HYOU1: variants seen among roughly 807,000 people sequenced by gnomAD.
HYOU1 encodes the protein hypoxia up-regulated protein 1.
In HYOU1, 40 loss-of-function variants were observed where a neutral mutation model predicts 120.5. The observed-to-expected ratio is 0.33, with a 90% CI of 0.26 to 0.43. The LOEUF (loss-of-function observed/expected upper bound fraction) is 0.43, where lower values mean the gene tolerates loss of function less well. Among genes scored for constraint, HYOU1 ranks in the 20% least tolerant of loss-of-function variants. The probability of loss-of-function intolerance (pLI) is 1.00; values close to 1 mark genes in which losing one functional copy is unlikely to be tolerated. For missense variants in HYOU1, 1,085 were observed against 1,278.3 expected, an observed-to-expected ratio of 0.85 and a Z score of 2.31; for synonymous variants, 501 against 479.4, an observed-to-expected ratio of 1.05 and a Z score of -0.59.
chr11:119,051,086 G>A lies in HYOU1; in HGVS notation c.1614C>T (p.Gly538=), dbSNP rs144588748. The part of the protein sequence containing the change: ...FKKYPDYESK[G]IKAHFNLDES... ...CATCCAGGTTGAAGTGAGCCTTGAT[G>A]CCCTTGGACTCGTAGTCAGGATACT... is the stretch of plus-strand genomic sequence containing the variant. The change falls in exon 14 of 26, where the codon GGC becomes GGT. Residue 538 remains glycine, a synonymous_variant. Transcript: ENST00000617285. This position sits in a 1 kb window ranked among gnomAD's most constrained non-coding sequence, Gnocchi z 4.2. 972 of 1,614,094 alleles carry A rather than the reference G, an allele frequency of 6.0e-4. 1 individual carries two copies. Among genetic ancestry groups the A allele is most frequent in the Non-Finnish European group, 7.7e-4 (906 of 1,180,052 alleles).
Position 119,047,927 on chromosome 11 carries a change from A to C in HYOU1, c.2510+20T>G, listed in dbSNP as rs2133559510. The stretch of plus-strand genomic sequence containing the variant: ...CAGTGGCCTTGGCAGGACTGCAAAA[A>C]GGGTTCAGGGGCTGCTCACTTGAGG... On this transcript the variant is annotated intron_variant, in intron 21 of 25. Transcript: ENST00000617285. 1.2e-6 allele frequency: 2 copies of C among 1,614,080 alleles called. No homozygotes were observed. Among genetic ancestry groups the C allele is most frequent in the South Asian group, 1.1e-5 (1 of 91,082 alleles).
rs138811699 is a variant in HYOU1 at position 119,051,881 on chromosome 11, G to A, written c.1276C>T (p.Leu426Phe). Reference protein sequence around the residue: ...AMGAVYQAAALSKAFKVKPFV... With the variant: ...AMGAVYQAAAFSKAFKVKPFV... Reference sequence around the variant, plus strand: ...GGCTTCACTTTAAAGGCTTTGCTGAGCGCAGCTGCCTGGTACACTGCCCCC... The same window carrying A: ...GGCTTCACTTTAAAGGCTTTGCTGAACGCAGCTGCCTGGTACACTGCCCCC... The change falls in exon 12 of 26, where the codon CTC becomes TTC. Residue 426 changes from leucine to phenylalanine, a missense_variant. By Grantham distance (22) the Leu-to-Phe change is conservative. This residue lies in a region of HYOU1 where 515 missense variants were observed against 677.8 expected (regional missense o/e 0.76). Coordinates refer to ENST00000617285, the MANE Select transcript of HYOU1 (RefSeq NM_006389.5). This position sits in a 1 kb window ranked among gnomAD's most constrained non-coding sequence, Gnocchi z 4.2. The A allele has an allele frequency of 1.2e-6, 2 of 1,614,156 alleles. No individual in the cohort carries two copies. Among genetic ancestry groups the A allele is most frequent in the East Asian group, 4.5e-5 (2 of 44,882 alleles).
Position 119,051,640 on chromosome 11 carries a change from G to A in HYOU1, c.1339-15C>T, listed in dbSNP as rs2133586658. ...GTGAACTCCACCTACACAGCAGGCA[G>A]ACAGAGGCACACTGTTGCACACTAG... On this transcript the variant is annotated splice_polypyrimidine_tract_variant and intron_variant, in intron 12 of 25. Coordinates refer to ENST00000617285, the MANE Select transcript of HYOU1 (RefSeq NM_006389.5). The surrounding 1 kb of genome is among the most constrained non-coding windows in gnomAD (Gnocchi z 4.2). The A allele has an allele frequency of 1.2e-6, 2 of 1,613,890 alleles. No homozygotes were observed.
chr11:119,045,403 C>T lies in HYOU1; in HGVS notation c.*190G>A. ...GGAGGAGAACAGTTTCCATTTTTAA[C>T]CACAGAGGTACTGCAGAAGGAACCA... On this transcript the variant is annotated 3_prime_UTR_variant, in exon 26 of 26. Transcript: ENST00000617285. 1.4e-6 allele frequency: 1 copy of T among 709,904 alleles called. No homozygotes were observed. Among genetic ancestry groups the T allele is most frequent in the Non-Finnish European group, 2.6e-6 (1 of 390,350 alleles). The allele number at this position is 709,904 out of a possible 1,614,324, so 44.0% of individuals were successfully genotyped here.
chr11:119,050,829 C>T (rs988326046), intron 14 of HYOU1, among the ~76,000 whole-genome samples: 2 of 149,822 alleles, frequency 1.3e-5, no homozygotes, highest in Admixed American at 1.3e-4. Flanking sequence ...TCAATAGTTC[C>T]AAGAAATTTA....
chr11:119,047,125 A>C, intron 22 of HYOU1: 1 of 237,950 alleles, frequency 4.2e-6, no homozygotes, highest in Non-Finnish European at 8.2e-6. Context: ...CGCGATCTCG[A>C]CTCACTGCAA....
intron 16 of HYOU1, 75 bp from the exon 17 acceptor site, chr11:119,049,278 A>G: frequency 6.3e-7 from 1 of 1,588,758 alleles, no homozygotes; most frequent in East Asian, 2.3e-5. Flanking sequence ...GGCACCGCCG[A>G]CCCCATGGGG....
At position 119,044,933 on chromosome 11, in the gene HYOU1, A is replaced by G. The variant is rs1228026946; in HGVS notation, c.*660T>C. The G allele has an allele frequency of 3.0e-6, 1 of 330,982 alleles. No individual in the cohort carries two copies. 20.5% of individuals were successfully genotyped at this position (330,982 alleles called of 1,614,324 possible). A position where few individuals can be genotyped will look rare whatever the true frequency, so the allele number is the denominator to read the frequency against. On this transcript the variant is annotated 3_prime_UTR_variant, in exon 26 of 26. Transcript: ENST00000617285. Reference sequence around the variant, plus strand: ...CTAGGGGTGGGAAATACGAGTGAGAATCCTTCCAGATTTACTTCCGCCAAT... The same window carrying G: ...CTAGGGGTGGGAAATACGAGTGAGAGTCCTTCCAGATTTACTTCCGCCAAT...
rs2133582707 is a variant in HYOU1, at chr11:119,051,113, C to A, written c.1587G>T (p.Lys529Asn). 6.2e-7 allele frequency: 1 copy of A among 1,614,208 alleles called. No homozygotes were observed. Among genetic ancestry groups the A allele is most frequent in the Admixed American group, 1.7e-5 (1 of 60,022 alleles). The stretch of plus-strand genomic sequence containing the variant: ...CCTTGGACTCGTAGTCAGGATACTT[C>A]TTGAAGCTGTCACCCACCCCTTTTA... ...VKLKGVGDSF[K>N]KYPDYESKGI... The change falls in exon 14 of 26, where the codon AAG becomes AAT. Residue 529 changes from lysine (K) to asparagine (N), a missense_variant. Lys to Asn is a moderately conservative substitution (Grantham distance 94). Around this residue, in one of 4 missense-constraint regions of HYOU1, gnomAD observed 515 missense variants for 677.8 expected, o/e 0.76. Transcript: ENST00000617285. The surrounding 1 kb of genome is among the most constrained non-coding windows in gnomAD (Gnocchi z 4.2).
Position 119,045,529 on chromosome 11 carries a change from T to G in HYOU1, c.*64A>C, listed in dbSNP as rs1944010058. The G allele has an allele frequency of 2.9e-6, 4 of 1,371,046 alleles. No individual in the cohort carries two copies. Among genetic ancestry groups the G allele is most frequent in the Admixed American group, 1.7e-5 (1 of 59,668 alleles). The allele number at this position is 1,371,046 out of a possible 1,614,324, so 84.9% of individuals were successfully genotyped here. A position where few individuals can be genotyped will look rare whatever the true frequency, so the allele number is the denominator to read the frequency against. ...GACCAACCCCTCCCCCAACCCTCGA[T>G]GTTAAATAAATAGAAGTGGTGGGGG... On this transcript the variant is annotated 3_prime_UTR_variant, in exon 26 of 26. Transcript: ENST00000617285.
Position 119,055,541 on chromosome 11 carries a change from C to T in HYOU1, c.216G>A (p.Val72=), listed in dbSNP as rs2133614050. ...KESRRKTPVI[V]TLKENERFFG... is the part of the protein sequence containing the mutation. ...AGAATCTTTCATTTTCTTTCAGGGT[C>T]ACGATCACCGGTGTTTTCCTCCGAG... Residue 72 remains valine, a synonymous_variant, in exon 4 of 26, where the codon GTG becomes GTA. Transcript: ENST00000617285. This position sits in a 1 kb window ranked among gnomAD's most constrained non-coding sequence, Gnocchi z 4.0. 3.7e-6 allele frequency: 6 copies of T among 1,614,062 alleles called. No homozygotes were observed. In the South Asian group the frequency reaches 6.6e-5, roughly 18 times the overall value.
At chr11:119,050,087 C>T (rs1944333062) in intron 14 of HYOU1, among the ~76,000 whole-genome samples, 1 of 152,214 alleles carries the variant, frequency 6.6e-6, no homozygotes, top group Non-Finnish European at 1.5e-5. Flanking sequence ...TTGGCTATTA[C>T]ATCCATATTA....
chr11:119,052,954 C>A lies in HYOU1; in HGVS notation c.795-125G>T, dbSNP rs1944535309. 1.2e-6 allele frequency: 1 copy of A among 863,536 alleles called. No homozygotes were observed. Among genetic ancestry groups the A allele is most frequent in the East Asian group, 2.7e-5 (1 of 37,472 alleles). 53.5% of individuals were successfully genotyped at this position (863,536 alleles called of 1,614,324 possible). On this transcript the variant is annotated intron_variant, in intron 8 of 25. Transcript: ENST00000617285. This position sits in a 1 kb window ranked among gnomAD's most constrained non-coding sequence, Gnocchi z 5.0. Reference sequence around the variant, plus strand: ...CAGGGGACCTTGTTCATCTCCAGTGCCCCATGTGTGGACACACACTCTGCC... The same window carrying A: ...CAGGGGACCTTGTTCATCTCCAGTGACCCATGTGTGGACACACACTCTGCC...
chr11:119,050,595 C>T (rs1188687339), intron 14 of HYOU1, among the ~76,000 whole-genome samples: 3 of 151,358 alleles, frequency 2.0e-5, no homozygotes, highest in Non-Finnish European at 2.9e-5. Context: ...GTGGCACATA[C>T]GTATCGTCCC....
chr11:119,052,194 G>A lies in HYOU1; in HGVS notation c.1123-22C>T, dbSNP rs2133591062. On this transcript the variant is annotated intron_variant, in intron 10 of 25. Transcript: ENST00000617285. This position sits in a 1 kb window ranked among gnomAD's most constrained non-coding sequence, Gnocchi z 5.0. ...CATCCTGCAGTGGGTAAGAATGACA[G>A]GTGCAACAGCATGCAGTTAGCACTG... is the stretch of plus-strand genomic sequence containing the variant. 52 of 1,613,872 alleles carry A rather than the reference G, an allele frequency of 3.2e-5. No homozygotes were observed. Among genetic ancestry groups the A allele is most frequent in the Middle Eastern group, 3.3e-4 (2 of 6,084 alleles).
intron 7 of HYOU1, 40 bp from the exon 8 acceptor site, chr11:119,054,276 A>T: frequency 6.6e-7 from 1 of 1,519,770 alleles, no homozygotes; most frequent in Non-Finnish European, 9.1e-7. Context: ...GAACCTTCTC[A>T]AACTCCAGGG....
chr11:119,055,767 C>G lies in HYOU1; in HGVS notation c.168G>C (p.Met56Ile). The change falls in exon 3 of 26, where the codon ATG becomes ATC. Residue 56 changes from methionine (M) to isoleucine (I), a missense_variant. Physicochemically the swap from Met to Ile is conservative, Grantham distance 10 (BLOSUM62 1). Around this residue, in one of 4 missense-constraint regions of HYOU1, gnomAD observed 9 missense variants for 34.3 expected, o/e 0.26. Transcript: ENST00000617285. The surrounding 1 kb of genome is among the most constrained non-coding windows in gnomAD (Gnocchi z 4.0). ...ACCCTCACTTATTCAAGACAATTTC[C>G]ATGGGCACTCCAGGTTTGACAATGG... ...KVAIVKPGVP[M>I]EIVLNKESRR... 6.2e-7 allele frequency: 1 copy of G among 1,614,068 alleles called. No individual in the cohort carries two copies. Among genetic ancestry groups the G allele is most frequent in the Non-Finnish European group, 8.5e-7 (1 of 1,179,930 alleles).
rs192397928 is a variant in HYOU1, at chr11:119,054,257, C to G, written c.679-21G>C. 5.1e-5 allele frequency: 80 copies of G among 1,581,858 alleles called. No individual in the cohort carries two copies. In the Admixed American group the frequency reaches 7.5e-4, roughly 15 times the overall value. ...ATATTCTGTAGAGATATCAAGGCAA[C>G]TGTCACAGGAACCTTCTCAAACTCC... On this transcript the variant is annotated intron_variant, in intron 7 of 25. Transcript: ENST00000617285.
At position 119,052,704 on chromosome 11, in the gene HYOU1, G is replaced by A. The variant is rs199962136; in HGVS notation, c.920C>T (p.Ala307Val). ...CCGATTAGCCTCACGCAGCAGCTTG[G>A]CCATGGCACGCGGGTTCTCCCGCAC... ...KDVRENPRAMAKLLREANRLK... is the reference protein window; with the variant it reads ...KDVRENPRAMVKLLREANRLK... The change falls in exon 9 of 26, where the codon GCC becomes GTC. Residue 307 changes from alanine (A) to valine (V), a missense_variant. Ala to Val is a moderately conservative substitution (Grantham distance 64). Around this residue, in one of 4 missense-constraint regions of HYOU1, gnomAD observed 515 missense variants for 677.8 expected, o/e 0.76. Transcript: ENST00000617285. The surrounding 1 kb of genome is among the most constrained non-coding windows in gnomAD (Gnocchi z 5.0). 49 of 1,614,070 alleles carry A rather than the reference G, an allele frequency of 3.0e-5. No individual in the cohort carries two copies. Among genetic ancestry groups the A allele is most frequent in the Non-Finnish European group, 3.9e-5 (46 of 1,180,026 alleles).
Sources: gnomAD v4.1 joint callset for allele counts (sites outside exome capture counted in the v4.1 genomes callset) on GRCh38, gnomAD v4.1.1 for gene constraint, gnomAD v4.1.1 regional missense constraint, Gnocchi (gnomAD v3.1) non-coding constraint, MANE v1.5 for transcripts, NCBI Gene and HGNC (gene_info 2026-07-23, HGNC 2026-07-21) for gene names.